ATAD2B: variants seen among roughly 807,000 people sequenced by gnomAD.
ATAD2B encodes the protein ATPase family AAA domain-containing protein 2B.
ATAD2B carries 40 observed loss-of-function variants against 167.6 expected under a neutral mutation model. That is an observed-to-expected ratio of 0.24 (90% CI 0.19 to 0.31). ATAD2B has a LOEUF of 0.31. Among genes scored for constraint, ATAD2B ranks in the 10% least tolerant of loss-of-function variants. The pLI is 1.00. For missense variants in ATAD2B, 1,242 were observed against 1,757.2 expected (o/e 0.71, Z 5.24); for synonymous variants, 579 against 596.5 (o/e 0.97, Z 0.43).
At chr2:23,785,056 T>C (rs55841168) in intron 21 of ATAD2B, among the ~76,000 whole-genome samples, 18,266 of 151,796 alleles carry the variant, frequency 0.12, 1,170 homozygotes, top group Middle Eastern at 0.22. Context: ...TTATAGATAG[T>C]CTCTTCATTC....
chr2:23,825,323 C>G (rs1688085679), intron 15 of ATAD2B, among the ~76,000 whole-genome samples: 1 of 151,970 alleles, frequency 6.6e-6, no homozygotes, highest in Non-Finnish European at 1.5e-5. Context: ...TAAGAAAAAC[C>G]TATTCAAAGT....
chr2:23,820,867 T>A (rs1687337052), intron 16 of ATAD2B, among the ~76,000 whole-genome samples: 2 of 152,072 alleles, frequency 1.3e-5, no homozygotes, highest in African/African-American at 4.8e-5. Context: ...AAGAATGGTG[T>A]GAACCCAGGA....
rs146335113 is a variant in ATAD2B, at chr2:23,923,184, G to A, written c.216+3371C>T. On this transcript the variant is annotated intron_variant, in intron 1 of 27. Transcript: ENST00000238789. ...GTGGAATACTATTAAGCCTAAGAAG[G>A]AAATCCTGCCATTTACAACAACACA... Among the ~76,000 whole-genome samples, 140 of 152,258 alleles carry A rather than the reference G, an allele frequency of 9.2e-4. 4 individuals carry two copies. In the East Asian group the frequency reaches 0.026, roughly 28 times the overall value.
At chr2:23,729,416 G>C in the ATAD2B span, among the ~76,000 whole-genome samples, 44 of 152,110 alleles carry the variant, frequency 2.9e-4, no homozygotes, top group African/African-American at 1.1e-3. Flanking sequence ...CTAGCATAAG[G>C]AAGTCCCCCT....
At chr2:23,693,663 G>A in the ATAD2B span, 2 of 950,046 alleles carry the variant, frequency 2.1e-6, no homozygotes, top group African/African-American at 1.6e-5. Flanking sequence ...GTGAAGGGCG[G>A]GCAGAGAGGT....
chr2:23,918,499 C>T (rs1558802660), intron 1 of ATAD2B, among the ~76,000 whole-genome samples: 1 of 152,108 alleles, frequency 6.6e-6, no homozygotes. Context: ...AAAACAATCT[C>T]TGTACAATAT....
the ATAD2B span, chr2:23,703,144 AG>A: frequency 7.4e-7 from 1 of 1,356,738 alleles, no homozygotes; most frequent in African/African-American, 1.5e-5. Context: ...GCCCCGCACA[AG>A]GTCCATCTTG....
chr2:23,758,097 C>T lies in ATAD2B; in HGVS notation c.3399G>A (p.Arg1133=). 1.9e-6 allele frequency: 3 copies of T among 1,562,638 alleles called. No homozygotes were observed. The highest frequency in any genetic ancestry group is 2.6e-6 in the Non-Finnish European group (3 of 1,165,508). ...ATCTCCGCCTTGATTTTCTCCGAAC[C>T]CGAACTGTTTTACAAGGAAGGAAAA... ...WHNSANKCAF[R]VRRKSRRRSQ... The change falls in exon 25 of 28, where the codon CGG becomes CGA. Residue 1133 remains arginine (R), a synonymous_variant. Transcript: ENST00000238789.
chr2:23,742,801 A>T, the ATAD2B span, among the ~76,000 whole-genome samples: 1 of 152,180 alleles, frequency 6.6e-6, no homozygotes, highest in Non-Finnish European at 1.5e-5. Flanking sequence ...AAAATTAAGA[A>T]GGAATAACAG....
intron 18 of ATAD2B, among the ~76,000 whole-genome samples, chr2:23,802,502 G>A (rs1179723390): frequency 6.6e-6 from 1 of 152,034 alleles, no homozygotes; most frequent in Non-Finnish European, 1.5e-5. Flanking sequence ...AACTATGGTA[G>A]TAACACAAAT....
At chr2:23,883,279 CAAAAAAAAAA>C (rs56994882) in intron 6 of ATAD2B, among the ~76,000 whole-genome samples, 2 of 89,028 alleles carry the variant, frequency 2.2e-5, no homozygotes, top group African/African-American at 8.1e-5. Context: ...AAAACTGTCT[CAAAAAAAAAA>C]AAAAAAAAAA....
At chr2:23,891,640 C>T (rs1699505099) in intron 2 of ATAD2B, among the ~76,000 whole-genome samples, 1 of 151,764 alleles carries the variant, frequency 6.6e-6, no homozygotes, top group African/African-American at 2.4e-5. Context: ...AGGCGTGCAC[C>T]ACCACACCTG....
At chr2:23,799,552 G>A (rs1259727439) in intron 18 of ATAD2B, among the ~76,000 whole-genome samples, 1 of 114,036 alleles carries the variant, frequency 8.8e-6, no homozygotes, top group Non-Finnish European at 1.6e-5. Context: ...CAGCCTGGGA[G>A]ACAGTGAGAC....
In ATAD2B at chr2:23,869,573, T is replaced by G; in HGVS notation, c.1076+90A>C. On this transcript the variant is annotated intron_variant, in intron 9 of 27. Transcript: ENST00000238789. ...TCTTAATCTAGTCTAAAATATGTGT[T>G]GAATATCAATGTTAGCAAAGAAAAT... The G allele has an allele frequency of 2.3e-6, 2 of 853,990 alleles. 1 individual carries two copies. Among genetic ancestry groups the G allele is most frequent in the Non-Finnish European group, 3.8e-6 (2 of 523,164 alleles). 52.9% of individuals were successfully genotyped at this position (853,990 alleles called of 1,614,324 possible).
chr2:23,857,895 C>G (rs535427632), intron 12 of ATAD2B, among the ~76,000 whole-genome samples: 149 of 151,854 alleles, frequency 9.8e-4, no homozygotes, highest in African/African-American at 3.4e-3. Flanking sequence ...GCGCACACCA[C>G]CACGCCCGGC....
chr2:23,712,431 G>T, the ATAD2B span, among the ~76,000 whole-genome samples: 1 of 152,212 alleles, frequency 6.6e-6, no homozygotes, highest in Non-Finnish European at 1.5e-5. Context: ...CTCTCACTGA[G>T]ATGTGAGACC....
At chr2:23,783,821 G>A (rs553508295) in intron 21 of ATAD2B, among the ~76,000 whole-genome samples, 1 of 152,208 alleles carries the variant, frequency 6.6e-6, no homozygotes, top group South Asian at 2.1e-4. Context: ...AGCAGTCTTA[G>A]CAGTAATGTC....
intron 18 of ATAD2B, among the ~76,000 whole-genome samples, chr2:23,808,206 AAT>A (rs1285507303): frequency 1.5e-5 from 2 of 129,970 alleles, no homozygotes; most frequent in African/African-American, 2.9e-5. Flanking sequence ...TTTATATAAA[AAT>A]ATATATATAT....
intron 18 of ATAD2B, among the ~76,000 whole-genome samples, chr2:23,805,113 A>G (rs1401812411): frequency 6.6e-6 from 1 of 151,828 alleles, no homozygotes; most frequent in African/African-American, 2.4e-5. Context: ...ATTGTACTCC[A>G]GCCTGGACAA....
Sources: allele counts gnomAD v4.1 joint callset (sites outside exome capture counted in the v4.1 genomes callset), GRCh38; gene constraint gnomAD v4.1.1; transcripts MANE v1.5; gene names NCBI Gene and HGNC (gene_info 2026-07-23, HGNC 2026-07-21).